SLC17A1: variants seen among roughly 807,000 people sequenced by gnomAD.
SLC17A1 encodes sodium-dependent phosphate transport protein 1.
Under a neutral mutation model 53.5 loss-of-function variants are expected in SLC17A1, and 51 were observed. The ratio of observed to expected loss-of-function variants is 0.95; its 90% confidence interval spans 0.76 to 1.20. The LOEUF (loss-of-function observed/expected upper bound fraction) is 1.20. Among genes scored for constraint, SLC17A1 ranks in the 50% most tolerant of loss-of-function variants. The probability of loss-of-function intolerance (pLI) is 0.00; values close to 1 mark genes in which losing one functional copy is unlikely to be tolerated. For missense variants in SLC17A1, 538 were observed against 568.2 expected, an observed-to-expected ratio of 0.95 and a Z score of 0.54; for synonymous variants, 179 against 198.8, an observed-to-expected ratio of 0.90 and a Z score of 0.84.
chr6:25,755,592 A>T, the SLC17A1 span, among the ~76,000 whole-genome samples: 2 of 152,198 alleles, frequency 1.3e-5, no homozygotes, highest in African/African-American at 2.4e-5. Context: ...TGAGAAATTG[A>T]TATAAGAATG....
intron 12 of SLC17A1, among the ~76,000 whole-genome samples, chr6:25,797,059 T>C (rs1037718592): frequency 6.6e-6 from 1 of 152,254 alleles, no homozygotes; most frequent in African/African-American, 2.4e-5. Context: ...TCTGTCATTG[T>C]GCCTTATCTC....
At chr6:25,755,988 T>A in the SLC17A1 span, among the ~76,000 whole-genome samples, 1 of 152,164 alleles carries the variant, frequency 6.6e-6, no homozygotes, top group Non-Finnish European at 1.5e-5. Flanking sequence ...GTCCTGAATG[T>A]GGTCTTTTTC....
At chr6:25,739,942 C>T in the SLC17A1 span, among the ~76,000 whole-genome samples, 1 of 152,156 alleles carries the variant, frequency 6.6e-6, no homozygotes, top group Admixed American at 6.5e-5. Context: ...GTACCAATGT[C>T]ACATGCCTGG....
the SLC17A1 span, chr6:25,769,098 G>A: frequency 1.2e-6 from 2 of 1,614,004 alleles, no homozygotes; most frequent in Non-Finnish European, 1.7e-6. Context: ...GAACAACACA[G>A]CCCCACCTAG....
chr6:25,771,082 C>A, the SLC17A1 span: 1 of 1,249,548 alleles, frequency 8.0e-7, no homozygotes, highest in Admixed American at 1.7e-5. Context: ...CTATGGTTAA[C>A]CAAATCCTAA....
chr6:25,732,848 G>A, the SLC17A1 span: 14 of 352,228 alleles, frequency 4.0e-5, no homozygotes, highest in South Asian at 2.8e-4. Context: ...GTAAAAGCCA[G>A]CGAAGTGACT....
chr6:25,764,359 A>G, the SLC17A1 span, among the ~76,000 whole-genome samples: 2 of 152,332 alleles, frequency 1.3e-5, no homozygotes, highest in East Asian at 3.9e-4. Flanking sequence ...CAGGAAAGAT[A>G]TACTGCCCCC....
At chr6:25,820,285 T>G (rs1764508618) in intron 3 of SLC17A1, among the ~76,000 whole-genome samples, 1 of 152,212 alleles carries the variant, frequency 6.6e-6, no homozygotes, top group South Asian at 2.1e-4. Flanking sequence ...CTACTCATAC[T>G]GCAGTTGTGA....
the SLC17A1 span, chr6:25,727,013 T>A: frequency 1.2e-6 from 2 of 1,614,064 alleles, no homozygotes; most frequent in African/African-American, 2.7e-5. Context: ...AGAGGACCCG[T>A]AAGGAGAGTT....
At chr6:25,821,295 A>G (rs939480718) in intron 3 of SLC17A1, among the ~76,000 whole-genome samples, 1 of 152,120 alleles carries the variant, frequency 6.6e-6, no homozygotes, top group Non-Finnish European at 1.5e-5. Context: ...TCTAGAGTGT[A>G]ATATTTCTCT....
At position 25,813,053 on chromosome 6, in the gene SLC17A1, A is replaced by T. The variant is rs147285650; in HGVS notation, c.735+42T>A. ...ACAAACTGGAACATGTTTAGTTTGG[A>T]GTAGAATCTGGGAGATGCCAATATG... On this transcript the variant is annotated intron_variant, in intron 7 of 12. Coordinates refer to ENST00000244527, the MANE Select transcript of SLC17A1 (RefSeq NM_005074.5). 103 of 1,611,760 alleles carry T rather than the reference A, an allele frequency of 6.4e-5. No individual in the cohort carries two copies. In the East Asian group the frequency reaches 2.1e-3, roughly 33 times the overall value.
At chr6:25,759,314 A>G in the SLC17A1 span, among the ~76,000 whole-genome samples, 1 of 152,166 alleles carries the variant, frequency 6.6e-6, no homozygotes, top group East Asian at 1.9e-4. Flanking sequence ...TGTTAAGTCT[A>G]TTTGTTCTAG....
the SLC17A1 span, among the ~76,000 whole-genome samples, chr6:25,737,416 C>T: frequency 6.6e-6 from 1 of 151,978 alleles, no homozygotes; most frequent in Non-Finnish European, 1.5e-5. Context: ...CACCCATTCC[C>T]TAGCCCCCTG....
the SLC17A1 span, chr6:25,770,553 T>C: frequency 8.2e-7 from 1 of 1,225,878 alleles, no homozygotes; most frequent in Non-Finnish European, 1.2e-6. Flanking sequence ...CAAGATCTTA[T>C]ATATCAATCT....
chr6:25,763,359 C>T, the SLC17A1 span, among the ~76,000 whole-genome samples: 3 of 152,218 alleles, frequency 2.0e-5, no homozygotes. Context: ...CCAGCTACTC[C>T]TCCAAGCCTT....
intron 12 of SLC17A1, among the ~76,000 whole-genome samples, chr6:25,791,752 G>C (rs986994959): frequency 2.0e-5 from 3 of 152,216 alleles, no homozygotes; most frequent in Non-Finnish European, 4.4e-5. Context: ...AAGGCCTACA[G>C]GAGGTTAAAA....
the SLC17A1 span, among the ~76,000 whole-genome samples, chr6:25,753,147 T>C: frequency 2.0e-5 from 3 of 152,146 alleles, no homozygotes; most frequent in Non-Finnish European, 4.4e-5. Flanking sequence ...TTTTCAAGTG[T>C]TTTACTTTTC....
At chr6:25,776,249 T>C in the SLC17A1 span, among the ~76,000 whole-genome samples, 1 of 152,178 alleles carries the variant, frequency 6.6e-6, no homozygotes, top group African/African-American at 2.4e-5. Flanking sequence ...TTGGATACCT[T>C]TTAACATGTT....
the SLC17A1 span, among the ~76,000 whole-genome samples, chr6:25,766,055 G>C: frequency 6.7e-6 from 1 of 149,724 alleles, no homozygotes; most frequent in African/African-American, 2.5e-5. Context: ...TGATTTTCTA[G>C]GAATTATAAT....
Sources: allele counts gnomAD v4.1 joint callset (sites outside exome capture counted in the v4.1 genomes callset), GRCh38; gene constraint gnomAD v4.1.1; transcripts MANE v1.5; gene names NCBI Gene and HGNC (gene_info 2026-07-23, HGNC 2026-07-21).